The following INTS7 variants were observed in gnomAD, a reference collection of about 807,000 sequenced individuals.
INTS7 encodes integrator complex subunit 7.
In INTS7, 46 loss-of-function variants were observed where a neutral mutation model predicts 109.2. The observed-to-expected ratio is 0.42, with a 90% CI of 0.33 to 0.54. The LOEUF is 0.54. Ranked by LOEUF, INTS7 falls within the 20% of genes least tolerant of loss-of-function variation. The pLI, the probability that INTS7 is intolerant of heterozygous loss-of-function variation, is 0.07. For missense variants in INTS7, 929 were observed against 1,132.4 expected, an observed-to-expected ratio of 0.82 and a Z score of 2.58; for synonymous variants, 412 against 402.9, an observed-to-expected ratio of 1.02 and a Z score of -0.27.
At chr1:211,995,991 T>C (rs986294639) in intron 7 of INTS7, among the ~76,000 whole-genome samples, 1 of 152,022 alleles carries the variant, frequency 6.6e-6, no homozygotes, top group African/African-American at 2.4e-5. Context: ...CCAAATGAAC[T>C]AAGAAAAATA....
intron 5 of INTS7, among the ~76,000 whole-genome samples, chr1:212,010,167 C>T (rs1215066264): frequency 2.6e-5 from 4 of 152,132 alleles, no homozygotes; most frequent in Non-Finnish European, 5.9e-5. Context: ...TATTACCTAT[C>T]CAAGGCTGCC....
chr1:211,956,276 G>A (rs1468741837), intron 16 of INTS7, among the ~76,000 whole-genome samples: 3 of 152,156 alleles, frequency 2.0e-5, no homozygotes, highest in Non-Finnish European at 4.4e-5. Flanking sequence ...CTTAGTTACT[G>A]TAGTTTTATA....
chr1:211,949,375 C>A (rs1474310783), intron 17 of INTS7, among the ~76,000 whole-genome samples: 1 of 152,110 alleles, frequency 6.6e-6, no homozygotes, highest in Non-Finnish European at 1.5e-5. Flanking sequence ...GAAAGTAAAA[C>A]CTTCATCTTC....
At chr1:211,951,501 T>C (rs866294737) in intron 17 of INTS7, among the ~76,000 whole-genome samples, 8 of 152,088 alleles carry the variant, frequency 5.3e-5, no homozygotes, top group Non-Finnish European at 1.0e-4. Context: ...AGACACAGGG[T>C]TTCACCATGT....
chr1:211,944,976 T>G lies in INTS7; in HGVS notation c.2416-7A>C. ...GCGATGGTGACAGAGCAAGCTGGAATGCCAACACTCAAATAAATGCCAACA... is the reference window on the plus strand; with the variant it reads ...GCGATGGTGACAGAGCAAGCTGGAAGGCCAACACTCAAATAAATGCCAACA... On this transcript the variant is annotated splice_region_variant and splice_polypyrimidine_tract_variant and intron_variant, in intron 18 of 19. Coordinates refer to ENST00000366994, the MANE Select transcript of INTS7 (RefSeq NM_015434.4). The G allele has an allele frequency of 6.2e-7, 1 of 1,612,336 alleles. No homozygotes were observed. The highest frequency in any genetic ancestry group is 1.7e-4 in the Middle Eastern group (1 of 6,058).
chr1:211,973,202 G>A (rs753815012), intron 13 of INTS7, among the ~76,000 whole-genome samples: 1 of 152,070 alleles, frequency 6.6e-6, no homozygotes, highest in Non-Finnish European at 1.5e-5. Flanking sequence ...CATCTTGGTC[G>A]CCCAGAGTAC....
chr1:212,018,752 T>C (rs1451909094), intron 3 of INTS7, among the ~76,000 whole-genome samples: 8 of 152,188 alleles, frequency 5.3e-5, no homozygotes, highest in Admixed American at 5.2e-4. Context: ...TCAGTATATA[T>C]AGACTCACAA....
intron 16 of INTS7, among the ~76,000 whole-genome samples, chr1:211,960,873 A>G (rs1337775511): frequency 3.3e-5 from 5 of 152,042 alleles, no homozygotes; most frequent in Non-Finnish European, 5.9e-5. Context: ...AAATTAGCCA[A>G]GTATGGTGCT....
chr1:211,970,891 C>T (rs1369466249), intron 13 of INTS7, among the ~76,000 whole-genome samples: 1 of 152,194 alleles, frequency 6.6e-6, no homozygotes, highest in Non-Finnish European at 1.5e-5. Flanking sequence ...CAATTCCACT[C>T]TTAGGTAATA....
chr1:211,976,943 T>C (rs754113565), intron 11 of INTS7, among the ~76,000 whole-genome samples: 1 of 152,132 alleles, frequency 6.6e-6, no homozygotes, highest in Non-Finnish European at 1.5e-5. Context: ...ACCCATAATA[T>C]GAATAAATTA....
chr1:212,027,985 C>A (rs1032066619), intron 1 of INTS7, among the ~76,000 whole-genome samples: 1 of 152,134 alleles, frequency 6.6e-6, no homozygotes, highest in African/African-American at 2.4e-5. Flanking sequence ...CACCATCACA[C>A]CTGGCTAAGT....
At chr1:212,024,856 G>A (rs1377889239) in intron 1 of INTS7, among the ~76,000 whole-genome samples, 4 of 152,174 alleles carry the variant, frequency 2.6e-5, no homozygotes, top group African/African-American at 9.7e-5. Context: ...TGAAAATCTT[G>A]TTGTCATCAT....
intron 7 of INTS7, among the ~76,000 whole-genome samples, chr1:212,002,098 C>T (rs1007760982): frequency 6.6e-6 from 1 of 152,200 alleles, no homozygotes; most frequent in Non-Finnish European, 1.5e-5. Flanking sequence ...CAGAGTCTTG[C>T]CCATTCCAAG....
Position 211,986,623 on chromosome 1 carries a change from C to T in INTS7, c.997+1263G>A, listed in dbSNP as rs199735170. ...CAGCTTAACTTCTGTTACAGGGTAC[C>T]AGACATAGCAAACACCCACTGCTAG... On this transcript the variant is annotated intron_variant, in intron 8 of 19. Transcript: ENST00000366994. Among the ~76,000 whole-genome samples, 10 of 152,280 alleles carry T rather than the reference C, an allele frequency of 6.6e-5. No individual in the cohort carries two copies. In the East Asian group the frequency reaches 1.9e-3, roughly 29 times the overall value.
chr1:212,014,213 C>G (rs915063977), intron 4 of INTS7, among the ~76,000 whole-genome samples: 2 of 152,216 alleles, frequency 1.3e-5, no homozygotes, highest in African/African-American at 4.8e-5. Flanking sequence ...GCCTGTAATT[C>G]CAGCACTTTG....
chr1:212,020,459 CA>C (rs1220289347), intron 2 of INTS7, among the ~76,000 whole-genome samples, 191 bp from the exon 3 acceptor site: 1 of 152,148 alleles, frequency 6.6e-6, no homozygotes, highest in Non-Finnish European at 1.5e-5. Context: ...AGCTATGCTA[CA>C]GTCTTGCTGC....
chr1:211,995,139 T>TA (rs1270043131), intron 7 of INTS7, among the ~76,000 whole-genome samples: 1 of 152,152 alleles, frequency 6.6e-6, no homozygotes, highest in Admixed American at 6.5e-5. Context: ...TGTTAATAAT[T>TA]ATGCCTAATT....
intron 15 of INTS7, among the ~76,000 whole-genome samples, chr1:211,967,547 G>A (rs546447077): frequency 6.6e-5 from 10 of 152,000 alleles, no homozygotes; most frequent in African/African-American, 2.2e-4. Context: ...AAAGAAAGGT[G>A]AGGTGAAATA....
At chr1:212,015,121 C>T (rs569249835) in intron 4 of INTS7, among the ~76,000 whole-genome samples, 90 of 151,440 alleles carry the variant, frequency 5.9e-4, no homozygotes, top group African/African-American at 1.6e-3. Flanking sequence ...CCGCCCCGTC[C>T]GGGAGGGAGG....
Sources: allele counts gnomAD v4.1 joint callset (sites outside exome capture counted in the v4.1 genomes callset), GRCh38; gene constraint gnomAD v4.1.1; transcripts MANE v1.5; gene names NCBI Gene and HGNC (gene_info 2026-07-23, HGNC 2026-07-21).